Variants in FAM3B observed in about 807,000 individuals in gnomAD.
FAM3B encodes the protein protein FAM3B.
Under a neutral mutation model 28.4 loss-of-function variants are expected in FAM3B, and 29 were observed. That is an observed-to-expected ratio of 1.02 (90% CI 0.76 to 1.39). The LOEUF is 1.39. Ranked by LOEUF, FAM3B falls within the 40% of genes most tolerant of loss-of-function variation. The pLI, the probability that FAM3B is intolerant of heterozygous loss-of-function variation, is 0.00. For missense variants in FAM3B, 266 were observed against 293.9 expected (o/e 0.91, Z 0.69); for synonymous variants, 91 against 103.0 (o/e 0.88, Z 0.71).
chr21:41,316,086 T>C (rs891698718), upstream of FAM3B, among the ~76,000 whole-genome samples: 9 of 152,126 alleles, frequency 5.9e-5, no homozygotes, highest in African/African-American at 1.7e-4. Flanking sequence ...AAAAACCTGA[T>C]GTGTGTTTGG....
At chr21:41,346,909 A>T in intron 5 of FAM3B, 104 bp from the exon 6 acceptor site, 1 of 1,013,564 alleles carries the variant, frequency 9.9e-7, no homozygotes, top group East Asian at 2.4e-5. Flanking sequence ...ACCCCCAAGG[A>T]TTCAGAATGG....
chr21:41,348,577 C>G lies in FAM3B; in HGVS notation c.486-15C>G. The stretch of plus-strand genomic sequence containing the variant: ...CTCCCTGAGATGCTCACATGCTTTT[C>G]CCTTTGTCCTGCAGACTGAATAACG... On this transcript the variant is annotated splice_polypyrimidine_tract_variant and intron_variant, in intron 6 of 7. Coordinates refer to ENST00000357985, the MANE Select transcript of FAM3B (RefSeq NM_058186.4). 1 of 1,614,118 alleles carries G rather than the reference C, an allele frequency of 6.2e-7. No homozygotes were observed. Among genetic ancestry groups the G allele is most frequent in the East Asian group, 2.2e-5 (1 of 44,890 alleles).
chr21:41,318,768 G>C (rs943135936), intron 1 of FAM3B, among the ~76,000 whole-genome samples: 1 of 152,232 alleles, frequency 6.6e-6, no homozygotes, highest in Non-Finnish European at 1.5e-5. Flanking sequence ...TGGGTCCTAG[G>C]GCCTGAGATT....
upstream of FAM3B, among the ~76,000 whole-genome samples, chr21:41,316,202 C>A (rs1224802359): frequency 6.6e-6 from 1 of 152,214 alleles, no homozygotes; most frequent in Non-Finnish European, 1.5e-5. Context: ...CCTTGGTCAT[C>A]ATATCATATA....
chr21:41,315,934 G>A (rs984545549), upstream of FAM3B, among the ~76,000 whole-genome samples: 2 of 152,134 alleles, frequency 1.3e-5, no homozygotes, highest in South Asian at 2.1e-4. Flanking sequence ...AGAACCAGCC[G>A]GACCCTGGGG....
At position 41,357,135 on chromosome 21, in the gene FAM3B, A is replaced by G; in HGVS notation, c.646A>G (p.Arg216Gly). The change falls in exon 8 of 8, where the codon AGA (arginine) becomes GGA (glycine). Residue 216 changes from arginine to glycine, a missense_variant. Arg to Gly is a moderately radical substitution (Grantham distance 125). Coordinates refer to ENST00000357985, the MANE Select transcript of FAM3B (RefSeq NM_058186.4). Reference sequence around the variant, plus strand: ...CAACCACTCTGATGCTAAGAACAACAGATATTCTGGCTGGCCTGCAGAGAT... The same window carrying G: ...CAACCACTCTGATGCTAAGAACAACGGATATTCTGGCTGGCCTGCAGAGAT... ...KINHSDAKNN[R>G]YSGWPAEIQI... 6.2e-7 allele frequency: 1 copy of G among 1,613,504 alleles called. No individual in the cohort carries two copies. The highest frequency in any genetic ancestry group is 8.5e-7 in the Non-Finnish European group (1 of 1,179,710).
intron 2 of FAM3B, among the ~76,000 whole-genome samples, chr21:41,333,049 T>C (rs1334699536): frequency 3.9e-5 from 6 of 152,040 alleles, no homozygotes; most frequent in Non-Finnish European, 1.5e-5. Flanking sequence ...GACCTTTTTT[T>C]AATGTACGCA....
At position 41,348,746 on chromosome 21, in the gene FAM3B, C is replaced by T. The variant is rs2089087800; in HGVS notation, c.618+22C>T. The T allele has an allele frequency of 3.1e-6, 5 of 1,614,102 alleles. No individual in the cohort carries two copies. In the South Asian group the frequency reaches 4.4e-5, roughly 14 times the overall value. ...AAAGGTGAGTGGTTTTAAAATGTCC[C>T]TTCCCACCAATGGTGAGTATAGTAA... On this transcript the variant is annotated intron_variant, in intron 7 of 7. Coordinates refer to ENST00000357985, the MANE Select transcript of FAM3B (RefSeq NM_058186.4).
intron 1 of FAM3B, among the ~76,000 whole-genome samples, chr21:41,311,251 A>AAATATATATATATAT (rs1555866518): frequency 2.9e-5 from 1 of 35,078 alleles, no homozygotes; most frequent in Non-Finnish European, 4.7e-5. Context: ...AAAAAAAAAA[A>AAATATATATATATAT]ATATATATAT....
intron 4 of FAM3B, 122 bp downstream of exon 4, chr21:41,344,656 T>C (rs780559439): frequency 4.2e-6 from 3 of 709,502 alleles, no homozygotes; most frequent in Non-Finnish European, 7.4e-6. Flanking sequence ...TTAATGCATT[T>C]TAAGATTATA....
chr21:41,321,135 G>A (rs2088800106), intron 1 of FAM3B, among the ~76,000 whole-genome samples: 1 of 152,120 alleles, frequency 6.6e-6, no homozygotes, highest in Admixed American at 6.6e-5. Flanking sequence ...GTCCAGCTAC[G>A]ACCCACATGC....
chr21:41,351,274 G>A (rs1254867871), intron 7 of FAM3B, among the ~76,000 whole-genome samples: 2 of 152,202 alleles, frequency 1.3e-5, no homozygotes, highest in South Asian at 2.1e-4. Context: ...GGACGTCAAA[G>A]CCAGGGCTGA....
At chr21:41,305,299 GGGGATCAGTAAA>G (rs2088677731) in intron 1 of FAM3B, among the ~76,000 whole-genome samples, 1 of 152,154 alleles carries the variant, frequency 6.6e-6, no homozygotes, top group South Asian at 2.1e-4. Context: ...GTGAGGACAT[GGGGATCAGTAAA>G]GGGTAAGGAG....
chr21:41,316,327 G>A (rs1255670905), upstream of FAM3B, among the ~76,000 whole-genome samples: 4 of 152,348 alleles, frequency 2.6e-5, no homozygotes, highest in East Asian at 5.8e-4. Flanking sequence ...GAGGTGGGGC[G>A]CCTGCTAGGC....
Position 41,326,942 on chromosome 21 carries a change from T to C in FAM3B, c.163+3876T>C, listed in dbSNP as rs17000795. On this transcript the variant is annotated intron_variant, in intron 2 of 7. Transcript: ENST00000357985. This position sits in a 1 kb window ranked among gnomAD's most constrained non-coding sequence, Gnocchi z 4.0. ...CTGCCTCTGCCTTGGGAACCTGTCA[T>C]GGGATTGAGGCCAGGCCTGGTGCCC... Among the ~76,000 whole-genome samples, 5,389 of 152,230 alleles carry C rather than the reference T, an allele frequency of 0.035. 326 individuals are homozygous for C. Among genetic ancestry groups the C allele is most frequent in the African/African-American group, 0.12 (5,083 of 41,504 alleles).
chr21:41,338,328 G>C, intron 2 of FAM3B, 50 bp from the exon 3 acceptor site: 1 of 1,605,590 alleles, frequency 6.2e-7, no homozygotes, highest in Non-Finnish European at 8.5e-7. Flanking sequence ...AGGTGCATCT[G>C]TAAATTACTG....
intron 4 of FAM3B, among the ~76,000 whole-genome samples, chr21:41,345,233 G>A (rs1391340496): frequency 6.8e-6 from 1 of 146,746 alleles, no homozygotes; most frequent in Admixed American, 6.8e-5. Flanking sequence ...GTGGGAAGAG[G>A]CGGGTGGGCC....
In FAM3B at chr21:41,331,180, A is replaced by G. The variant is rs546522135; in HGVS notation, c.164-7198A>G. Among the ~76,000 whole-genome samples, 3 of 152,338 alleles carry G rather than the reference A, an allele frequency of 2.0e-5. No homozygotes were observed. In the East Asian group the frequency reaches 5.8e-4, roughly 29 times the overall value. ...CTCATGCGTTTGCATTGCCCTGATT[A>G]TTAGTAATATTGAACATGTTTTCAT... On this transcript the variant is annotated intron_variant, in intron 2 of 7. Transcript: ENST00000357985.
chr21:41,304,807 T>G (rs937563760), intron 1 of FAM3B, among the ~76,000 whole-genome samples: 11 of 152,016 alleles, frequency 7.2e-5, no homozygotes, highest in African/African-American at 2.4e-4. Flanking sequence ...CTGGTGCCAG[T>G]AGGAACGTTC....
Sources: gnomAD v4.1 joint callset for allele counts (sites outside exome capture counted in the v4.1 genomes callset) on GRCh38, gnomAD v4.1.1 for gene constraint, Gnocchi (gnomAD v3.1) non-coding constraint, MANE v1.5 for transcripts, NCBI Gene and HGNC (gene_info 2026-07-23, HGNC 2026-07-21) for gene names.